The following MCM3AP variants were observed in gnomAD, a reference collection of about 807,000 sequenced individuals.
MCM3AP encodes germinal-center associated nuclear protein.
In MCM3AP, 126 loss-of-function variants were observed where a neutral mutation model predicts 184.1. That is an observed-to-expected ratio of 0.68 (90% confidence interval 0.59 to 0.79). The LOEUF is 0.79. Among genes scored for constraint, MCM3AP ranks in the 30% least tolerant of loss-of-function variants. The pLI, the probability that MCM3AP is intolerant of heterozygous loss-of-function variation, is 0.00. For missense variants in MCM3AP, 2,496 were observed against 2,479.2 expected (o/e 1.01, Z -0.14); for synonymous variants, 1,002 against 979.3 (o/e 1.02, Z -0.43).
At position 46,280,535 on chromosome 21, in the gene MCM3AP, T is replaced by C. The variant is rs771510679; in HGVS notation, c.1484A>G (p.His495Arg). The C allele has an allele frequency of 3.7e-6, 6 of 1,613,038 alleles. No homozygotes were observed. The highest frequency in any genetic ancestry group is 1.7e-5 in the Admixed American group (1 of 60,006). ...ALARKKGKSL[H>R]KDMAIFWHRK... ...GTGCCAAAAGATAGCCATGTCTTTA[T>C]GCAAACTTTTCCCCTTCTTTCTAGC... Residue 495 changes from histidine (H) to arginine (R), a missense_variant, in exon 3 of 28, where the codon CAT becomes CGT. Physicochemically the swap from His to Arg is conservative, Grantham distance 29 (BLOSUM62 0). Transcript: ENST00000291688.
Position 46,254,803 on chromosome 21 carries a change from A to G in MCM3AP, c.3974T>C (p.Val1325Ala), listed in dbSNP as rs764569845. The G allele has an allele frequency of 1.2e-6, 2 of 1,613,940 alleles. No homozygotes were observed. The highest frequency in any genetic ancestry group is 1.7e-6 in the Non-Finnish European group (2 of 1,180,010). ...CAGCAGCTGCTGGTAGAAGTGCTGA[A>G]CCTTCATCTGGTGAGCTGTCTTGTT... ...LRNKTAHQMKVQHFYQQLLSD... is the reference protein window; with the variant it reads ...LRNKTAHQMKAQHFYQQLLSD... The change falls in exon 18 of 28, where the codon GTT becomes GCT. Residue 1325 changes from valine (V) to alanine (A), a missense_variant. Transcript: ENST00000291688.
At chr21:46,270,125 G>A (rs1445431590) in intron 9 of MCM3AP, 2 of 296,980 alleles carry the variant, frequency 6.7e-6, no homozygotes, top group East Asian at 5.5e-5. Flanking sequence ...CATGGATGAT[G>A]ATAGTGCTGA....
Position 46,284,400 on chromosome 21 carries a change from T to A in MCM3AP, c.887A>T (p.Asp296Val). The change falls in exon 1 of 28, where the codon GAC becomes GTC. Residue 296 changes from aspartate to valine, a missense_variant. Around this residue, in one of 5 missense-constraint regions of MCM3AP, gnomAD observed 800 missense variants for 717.1 expected, o/e 1.12. Transcript: ENST00000291688. ...ATGTCTCCTTGGGGAGCGATCCTGG[T>A]CCTCCTTCCTTTTCAGTCCTTTCAT... ...SLMKGLKRKE[D>V]QDRSPRRHGH... 1 of 1,614,160 alleles carries A rather than the reference T, an allele frequency of 6.2e-7. No homozygotes were observed. The highest frequency in any genetic ancestry group is 8.5e-7 in the Non-Finnish European group (1 of 1,180,034).
chr21:46,273,556 G>A lies in MCM3AP; in HGVS notation c.2028C>T (p.Tyr676=), dbSNP rs1601536577. 3.7e-6 allele frequency: 6 copies of A among 1,613,854 alleles called. No homozygotes were observed. The highest frequency in any genetic ancestry group is 3.3e-4 in the Middle Eastern group (2 of 6,056). Residue 676 remains tyrosine (Y), a synonymous_variant, in exon 7 of 28, where the codon TAC becomes TAT. Transcript: ENST00000291688. ...CCTCCTGATCCGCCGAGGACCGACT[G>A]TACTCTTTCACAGCTGCTGCGTGGT... ...QVDHAAAVKE[Y]SRSSADQEEP... is the part of the protein sequence containing the mutation.
At chr21:46,272,418 C>G in intron 8 of MCM3AP, 143 bp downstream of exon 8, 1 of 877,922 alleles carries the variant, frequency 1.1e-6, no homozygotes, top group South Asian at 1.8e-5. Context: ...CAAAGCCAGA[C>G]CAAGGTCCTC....
intron 16 of MCM3AP, among the ~76,000 whole-genome samples, chr21:46,257,780 C>T (rs950407279): frequency 9.2e-5 from 14 of 151,980 alleles, no homozygotes; most frequent in Admixed American, 2.6e-4. Context: ...ACAAAATTAG[C>T]CGAGCATGGT....
At chr21:46,253,678 C>A (rs957853831) in intron 19 of MCM3AP, 1 of 150,740 alleles carries the variant, frequency 6.6e-6, no homozygotes, top group East Asian at 2.0e-4. Flanking sequence ...GGTTGTGTGA[C>A]AACTCCCCCT....
rs17182962 is a variant in MCM3AP at position 46,259,254 on chromosome 21, G to C, written c.3582-163C>G. The C allele has an allele frequency of 0.048, 28,060 of 584,714 alleles. 3,389 individuals carry two copies. Among genetic ancestry groups the C allele is most frequent in the African/African-American group, 0.35 (18,180 of 52,398 alleles). 36.2% of individuals were successfully genotyped at this position (584,714 alleles called of 1,614,324 possible). On this transcript the variant is annotated intron_variant, in intron 15 of 27. Transcript: ENST00000291688. ...GTGGATCATGAGGTCAAGAGATCCA[G>C]ACCATCCTGGCTAACATGGTGAAAC...
chr21:46,250,027 G>C (rs1024364262), intron 20 of MCM3AP: 2 of 154,604 alleles, frequency 1.3e-5, no homozygotes, highest in African/African-American at 4.8e-5. Flanking sequence ...AGAGTTCCAG[G>C]ACAGAGGGAA....
intron 15 of MCM3AP, among the ~76,000 whole-genome samples, chr21:46,259,547 A>G (rs1003745268): frequency 6.6e-6 from 1 of 152,076 alleles, no homozygotes; most frequent in Non-Finnish European, 1.5e-5. Context: ...AAGCAGGCAA[A>G]TCACTTCAGG....
intron 8 of MCM3AP, among the ~76,000 whole-genome samples, chr21:46,271,940 G>GAA (rs924798297): frequency 6.9e-6 from 1 of 145,856 alleles, no homozygotes; most frequent in African/African-American, 2.5e-5. Context: ...AAAATACAAA[G>GAA]AAAAAAAAAA....
chr21:46,239,407 T>TA (rs1282529159), intron 26 of MCM3AP, among the ~76,000 whole-genome samples: 2 of 152,220 alleles, frequency 1.3e-5, no homozygotes, highest in Non-Finnish European at 2.9e-5. Context: ...ATGGAAGTCA[T>TA]AACAAGTGGT....
chr21:46,276,332 T>C (rs1359794183), intron 5 of MCM3AP, among the ~76,000 whole-genome samples: 2 of 152,068 alleles, frequency 1.3e-5, no homozygotes, highest in African/African-American at 4.8e-5. Context: ...ACTGTATCAA[T>C]GATATGATGT....
rs771323622 is a variant in MCM3AP at position 46,260,853 on chromosome 21, A to G, written c.3521T>C (p.Val1174Ala). The G allele has an allele frequency of 6.2e-7, 1 of 1,614,018 alleles. No individual in the cohort carries two copies. The highest frequency in any genetic ancestry group is 1.7e-5 in the Admixed American group (1 of 60,014). The change falls in exon 15 of 28, where the codon GTG (valine) becomes GCG (alanine). Residue 1174 changes from valine (V) to alanine (A), a missense_variant. Coordinates refer to ENST00000291688, the MANE Select transcript of MCM3AP (RefSeq NM_003906.5). Reference protein sequence around the residue: ...VLSELSQGLAVELMERVMMEF... With the variant: ...VLSELSQGLAAELMERVMMEF... The stretch of plus-strand genomic sequence containing the variant: ...CATCATCACGCGTTCCATCAGCTCC[A>G]CGGCCAGGCCCTGGCTCAGCTCACT...
At position 46,284,450 on chromosome 21, in the gene MCM3AP, G is replaced by T; in HGVS notation, c.837C>A (p.Ser279=). 1 of 1,614,070 alleles carries T rather than the reference G, an allele frequency of 6.2e-7. No individual in the cohort carries two copies. The highest frequency in any genetic ancestry group is 8.5e-7 in the Non-Finnish European group (1 of 1,180,010). ...TTAGGCTGGGAAGTGGTTCCACCTG[G>T]GAAACAGCTTCTTCACACCCCTGCC... The part of the protein sequence containing the change: ...GVRQGCEEAV[S]QVEPLPSLMK... The change falls in exon 1 of 28, where the codon TCC becomes TCA. Residue 279 remains serine, a synonymous_variant. Coordinates refer to ENST00000291688, the MANE Select transcript of MCM3AP (RefSeq NM_003906.5).
rs2081080265 is a variant in MCM3AP, at chr21:46,264,359, G to A, written c.3235-142C>T. The A allele has an allele frequency of 9.9e-6, 6 of 605,350 alleles. No homozygotes were observed. In the East Asian group the frequency reaches 1.7e-4, roughly 17 times the overall value. The allele number at this position is 605,350 out of a possible 1,614,324, so 37.5% of individuals were successfully genotyped here. A position where few individuals can be genotyped will look rare whatever the true frequency, so the allele number is the denominator to read the frequency against. ...CACGGGGTCGGCTAGGCTGTTGCAG[G>A]AAAGGTGTCCCCTAGCGAATGGAAA... is the stretch of plus-strand genomic sequence containing the variant. On this transcript the variant is annotated intron_variant, in intron 12 of 27. Coordinates refer to ENST00000291688, the MANE Select transcript of MCM3AP (RefSeq NM_003906.5).
chr21:46,235,680 C>G (rs1359386948), intron 27 of MCM3AP, among the ~76,000 whole-genome samples: 1 of 152,168 alleles, frequency 6.6e-6, no homozygotes, highest in African/African-American at 2.4e-5. Flanking sequence ...ATTTTTCACC[C>G]AGGCTGGAAC....
At chr21:46,265,298 A>C (rs1356587361) in intron 12 of MCM3AP, 23 bp downstream of exon 12, 4 of 1,610,928 alleles carry the variant, frequency 2.5e-6, no homozygotes, top group African/African-American at 1.3e-5. Context: ...CAGAGTCCAG[A>C]CCTAGAAAAA....
At chr21:46,283,867 C>T (rs759919580) in intron 1 of MCM3AP, 29 bp from the exon 2 acceptor site, 6 of 1,590,398 alleles carry the variant, frequency 3.8e-6, no homozygotes, top group Non-Finnish European at 5.2e-6. Context: ...GACACTTAAA[C>T]CATCAGATGT....
Sources: allele counts gnomAD v4.1 joint callset (sites outside exome capture counted in the v4.1 genomes callset), GRCh38; gene constraint gnomAD v4.1.1; regional missense constraint gnomAD v4.1.1; transcripts MANE v1.5; gene names NCBI Gene and HGNC (gene_info 2026-07-23, HGNC 2026-07-21).